The following GALNT18 variants were observed in gnomAD, a reference collection of about 807,000 sequenced individuals.
The protein encoded by GALNT18 is GalNAc-transferase 18.
In GALNT18, 44 loss-of-function variants were observed where a neutral mutation model predicts 69.5. The ratio of observed to expected loss-of-function variants is 0.63; its 90% CI spans 0.50 to 0.81. GALNT18 has a LOEUF of 0.81. GALNT18 is among the 40% of genes least tolerant of loss of function. GALNT18 has a pLI of 0.00. For missense variants in GALNT18, 715 were observed against 810.0 expected, an observed-to-expected ratio of 0.88 and a Z score of 1.42; for synonymous variants, 364 against 318.2, an observed-to-expected ratio of 1.14 and a Z score of -1.53.
Position 11,309,483 on chromosome 11 carries a change from T to A in GALNT18, c.1513-16290A>T, listed in dbSNP as rs1186081410. On this transcript the variant is annotated intron_variant, in intron 9 of 10. Transcript: ENST00000227756. The surrounding 1 kb of genome is among the most constrained non-coding windows in gnomAD (Gnocchi z 4.6). Reference sequence around the variant, plus strand: ...TAGAAATGCTGCGCCCAATTTTTAATAATGGCACTCTTGCTAGCAGCTTCA... The same window carrying A: ...TAGAAATGCTGCGCCCAATTTTTAAAAATGGCACTCTTGCTAGCAGCTTCA... Among the ~76,000 whole-genome samples, 2 of 152,196 alleles carry A rather than the reference T, an allele frequency of 1.3e-5. No individual in the cohort carries two copies.
At chr11:11,271,355 T>G in intron 10 of GALNT18, 65 bp from the exon 11 acceptor site, 1 of 1,542,662 alleles carries the variant, frequency 6.5e-7, no homozygotes, top group East Asian at 2.3e-5. Flanking sequence ...TTCGGGAGCC[T>G]CAGGCCAAGT....
chr11:11,327,333 G>C, intron 8 of GALNT18, 152 bp from the exon 9 acceptor site: 2 of 631,318 alleles, frequency 3.2e-6, no homozygotes, highest in Non-Finnish European at 5.6e-6. Context: ...ACAAGCACCA[G>C]CTTTTGCCTT....
intron 6 of GALNT18, among the ~76,000 whole-genome samples, chr11:11,351,788 ATTTTT>A (rs202001941): frequency 3.4e-5 from 5 of 145,834 alleles, no homozygotes; most frequent in African/African-American, 7.7e-5. Context: ...GCCTATTATA[ATTTTT>A]TTTTATGACT....
At chr11:11,349,300 A>C (rs1342103302) in intron 6 of GALNT18, among the ~76,000 whole-genome samples, 1 of 152,144 alleles carries the variant, frequency 6.6e-6, no homozygotes, top group Non-Finnish European at 1.5e-5. Context: ...GCAGGCCTCC[A>C]TGTATTTATC....
At position 11,356,403 on chromosome 11, in the gene GALNT18, A is replaced by G. The variant is rs1241958468; in HGVS notation, c.1093-15399T>C. ...TGCAGACTCAGCTAAAGAAGAACAAAGAACAAAAATGGAAACAAAAGGGAG... is the reference window on the plus strand; with the variant it reads ...TGCAGACTCAGCTAAAGAAGAACAAGGAACAAAAATGGAAACAAAAGGGAG... On this transcript the variant is annotated intron_variant, in intron 6 of 10. Coordinates refer to ENST00000227756, the MANE Select transcript of GALNT18 (RefSeq NM_198516.3). The surrounding 1 kb of genome is among the most constrained non-coding windows in gnomAD (Gnocchi z 4.4). Among the ~76,000 whole-genome samples, 1 of 152,250 alleles carries G rather than the reference A, an allele frequency of 6.6e-6. No individual in the cohort carries two copies. The highest frequency in any genetic ancestry group is 1.5e-5 in the Non-Finnish European group (1 of 68,046).
At chr11:11,384,093 G>A (rs1214462397) in intron 3 of GALNT18, among the ~76,000 whole-genome samples, 2 of 151,902 alleles carry the variant, frequency 1.3e-5, no homozygotes, top group Non-Finnish European at 2.9e-5. Flanking sequence ...ACCTCAACAA[G>A]GTACTAATCT....
At chr11:11,359,083 C>T (rs1850590748) in intron 6 of GALNT18, among the ~76,000 whole-genome samples, 1 of 140,224 alleles carries the variant, frequency 7.1e-6, no homozygotes, top group South Asian at 2.2e-4. Flanking sequence ...AAATGCTGGT[C>T]CCCAGACCCC....
At chr11:11,292,971 G>T in intron 10 of GALNT18, 58 bp downstream of exon 10, 1 of 1,326,480 alleles carries the variant, frequency 7.5e-7, no homozygotes, top group Admixed American at 3.0e-5. Flanking sequence ...GGCCCCTGAG[G>T]CCACTCTCCT....
Position 11,314,018 on chromosome 11 carries a change from G to GC in GALNT18, c.1512+13067dup, listed in dbSNP as rs140523478. 8.8e-3 allele frequency among the ~76,000 whole-genome samples: 1,334 copies of GC among 152,194 alleles called. 13 individuals carry two copies. Among genetic ancestry groups the GC allele is most frequent in the South Asian group, 0.022 (107 of 4,818 alleles). On this transcript the variant is annotated intron_variant, in intron 9 of 10. Coordinates refer to ENST00000227756, the MANE Select transcript of GALNT18 (RefSeq NM_198516.3). The surrounding 1 kb of genome is among the most constrained non-coding windows in gnomAD (Gnocchi z 5.2). ...TTTGTTACTTTATTTAATAGCACCC[G>GC]CCCCCATTTTACTGATCAGGGAGGC...
intron 10 of GALNT18, among the ~76,000 whole-genome samples, chr11:11,290,917 G>A (rs1849285388): frequency 6.6e-6 from 1 of 152,146 alleles, no homozygotes; most frequent in African/African-American, 2.4e-5. Context: ...CCTCCACGGA[G>A]CCCGGAATAT....
chr11:11,359,935 A>G (rs1255167274), intron 6 of GALNT18, among the ~76,000 whole-genome samples: 1 of 152,222 alleles, frequency 6.6e-6, no homozygotes, highest in Non-Finnish European at 1.5e-5. Context: ...GGATAACAGC[A>G]TGGACCTCAC....
chr11:11,615,119 C>T (rs1208366265), intron 1 of GALNT18, among the ~76,000 whole-genome samples: 1 of 152,196 alleles, frequency 6.6e-6, no homozygotes, highest in Non-Finnish European at 1.5e-5. Context: ...ATTTAAATGA[C>T]ACTCTTTCCT....
At chr11:11,558,583 C>T (rs999714982) in intron 1 of GALNT18, among the ~76,000 whole-genome samples, 2 of 152,214 alleles carry the variant, frequency 1.3e-5, no homozygotes, top group Non-Finnish European at 2.9e-5. Flanking sequence ...GCATTTCCAC[C>T]CTTCTTTAGA....
Position 11,415,733 on chromosome 11 carries a change from C to CCACCCATG in GALNT18, c.595+16880_595+16887dup, listed in dbSNP as rs778373543. ...CTCCCACCCACACCTATGCGTCTTC[C>CCACCCATG]CACCCATGCATCCATGCATCCATCC... On this transcript the variant is annotated intron_variant, in intron 3 of 10. Coordinates refer to ENST00000227756, the MANE Select transcript of GALNT18 (RefSeq NM_198516.3). This position sits in a 1 kb window ranked among gnomAD's most constrained non-coding sequence, Gnocchi z 4.1. Among the ~76,000 whole-genome samples, 10 of 152,148 alleles carry CCACCCATG rather than the reference C, an allele frequency of 6.6e-5. No individual in the cohort carries two copies. The highest frequency in any genetic ancestry group is 1.0e-4 in the Non-Finnish European group (7 of 68,034).
chr11:11,528,420 T>C (rs1857566472), intron 1 of GALNT18, among the ~76,000 whole-genome samples: 1 of 152,152 alleles, frequency 6.6e-6, no homozygotes, highest in Non-Finnish European at 1.5e-5. Flanking sequence ...TGTAAGACAG[T>C]AAGGAGTTGT....
chr11:11,368,455 G>A (rs1355847564), intron 6 of GALNT18, among the ~76,000 whole-genome samples: 1 of 152,090 alleles, frequency 6.6e-6, no homozygotes, highest in Non-Finnish European at 1.5e-5. Context: ...TGGAGAAAGA[G>A]GATCATCTCC....
intron 2 of GALNT18, among the ~76,000 whole-genome samples, chr11:11,440,650 T>C (rs1855514652): frequency 2.0e-5 from 3 of 152,204 alleles, no homozygotes; most frequent in Admixed American, 2.0e-4. Context: ...CTGGCCCTGC[T>C]CTCATCTACT....
intron 9 of GALNT18, among the ~76,000 whole-genome samples, chr11:11,316,725 A>G (rs1337680317): frequency 2.6e-5 from 4 of 152,246 alleles, no homozygotes; most frequent in Admixed American, 6.5e-5. Context: ...ATTTAGGCAG[A>G]AAGAATGGGA....
At position 11,435,134 on chromosome 11, in the gene GALNT18, A is replaced by G. The variant is rs1444247117; in HGVS notation, c.429-2347T>C. The stretch of plus-strand genomic sequence containing the variant: ...TCCTCCCTACTAAAACTCCACCAGC[A>G]ATGAAGACTTTGCTTCTGTATCTCT... On this transcript the variant is annotated intron_variant, in intron 2 of 10. Transcript: ENST00000227756. This position sits in a 1 kb window ranked among gnomAD's most constrained non-coding sequence, Gnocchi z 4.4. Among the ~76,000 whole-genome samples, 2 of 152,240 alleles carry G rather than the reference A, an allele frequency of 1.3e-5. No individual in the cohort carries two copies. Among genetic ancestry groups the G allele is most frequent in the African/African-American group, 4.8e-5 (2 of 41,466 alleles).
Sources: allele counts gnomAD v4.1 joint callset (sites outside exome capture counted in the v4.1 genomes callset), GRCh38; gene constraint gnomAD v4.1.1; non-coding constraint Gnocchi (gnomAD v3.1); transcripts MANE v1.5; gene names NCBI Gene and HGNC (gene_info 2026-07-23, HGNC 2026-07-21).